The following NAB1 variants were observed in gnomAD, a reference collection of about 807,000 sequenced individuals.
The protein encoded by NAB1 is NGFI-A binding protein 1.
NAB1 carries 25 observed loss-of-function variants against 49.9 expected under a neutral mutation model. The observed-to-expected ratio is 0.50, with a 90% confidence interval of 0.37 to 0.70. The LOEUF (loss-of-function observed/expected upper bound fraction) is 0.70, where lower values mean the gene tolerates loss of function less well. Among genes scored for constraint, NAB1 ranks in the 30% least tolerant of loss-of-function variants. NAB1 has a pLI of 0.00. For missense variants in NAB1, 489 were observed against 575.9 expected (o/e 0.85, Z 1.54); for synonymous variants, 198 against 215.6 (o/e 0.92, Z 0.71).
chr2:190,671,180 G>C (rs1256328625), intron 5 of NAB1, among the ~76,000 whole-genome samples: 1 of 152,114 alleles, frequency 6.6e-6, no homozygotes, highest in Non-Finnish European at 1.5e-5. Flanking sequence ...CTGCATTAGA[G>C]TAACTCTAAG....
At chr2:190,681,749 T>C (rs200290237) in intron 6 of NAB1, among the ~76,000 whole-genome samples, 1 of 152,194 alleles carries the variant, frequency 6.6e-6, no homozygotes, top group Non-Finnish European at 1.5e-5. Flanking sequence ...ATAGATAAAA[T>C]ATTTGAAAGA....
rs1293881051 is a variant in NAB1 at position 190,685,077 on chromosome 2, G to A, written c.1096-399G>A. Reference sequence around the variant, plus strand: ...TCATATCAGAGTCTGTGTACTGCCAGATCCTAAAATAAAAATGCCAAGATT... The same window carrying A: ...TCATATCAGAGTCTGTGTACTGCCAAATCCTAAAATAAAAATGCCAAGATT... On this transcript the variant is annotated intron_variant, in intron 7 of 9. Coordinates refer to ENST00000337386, the MANE Select transcript of NAB1 (RefSeq NM_005966.4). This position sits in a 1 kb window ranked among gnomAD's most constrained non-coding sequence, Gnocchi z 4.5. Among the ~76,000 whole-genome samples the A allele has an allele frequency of 6.6e-6, 1 of 152,160 alleles. No homozygotes were observed. The highest frequency in any genetic ancestry group is 2.4e-5 in the African/African-American group (1 of 41,440).
rs1448626859 is a variant in NAB1 at position 190,659,615 on chromosome 2, G to T, written c.439G>T (p.Val147Phe). 10 of 1,614,096 alleles carry T rather than the reference G, an allele frequency of 6.2e-6. No homozygotes were observed. Among genetic ancestry groups the T allele is most frequent in the Non-Finnish European group, 7.6e-6 (9 of 1,180,054 alleles). ...CTTGGGACAGGGGAAGTCAGATGTG[G>T]TTGGGAGCCTAGCACTGCAGAGTGT... is the stretch of plus-strand genomic sequence containing the variant. ...QSLGQGKSDV[V>F]GSLALQSVGE... The change falls in exon 4 of 10, where the codon GTT becomes TTT. Residue 147 changes from valine (V) to phenylalanine (F), a missense_variant. Transcript: ENST00000337386. The surrounding 1 kb of genome is among the most constrained non-coding windows in gnomAD (Gnocchi z 6.2).
chr2:190,659,456 A>G lies in NAB1; in HGVS notation c.280A>G (p.Ile94Val), dbSNP rs1694103509. Residue 94 changes from isoleucine to valine, a missense_variant, in exon 4 of 10, where the codon ATA becomes GTA. Transcript: ENST00000337386. The surrounding 1 kb of genome is among the most constrained non-coding windows in gnomAD (Gnocchi z 6.2). ...ACTGACTTCCCTTCCTGTCAGTAGCATACCCATCTATAAATTACCAGAGGG... is the reference window on the plus strand; with the variant it reads ...ACTGACTTCCCTTCCTGTCAGTAGCGTACCCATCTATAAATTACCAGAGGG... ...QPLTSLPVSS[I>V]PIYKLPEGSP... is the part of the protein sequence containing the mutation. 1 of 1,614,212 alleles carries G rather than the reference A, an allele frequency of 6.2e-7. No homozygotes were observed. Among genetic ancestry groups the G allele is most frequent in the Non-Finnish European group, 8.5e-7 (1 of 1,180,042 alleles).
In NAB1 at chr2:190,675,932, T is replaced by G. The variant is rs1412305913; in HGVS notation, c.1005+2780T>G. Among the ~76,000 whole-genome samples the G allele has an allele frequency of 1.3e-5, 2 of 152,240 alleles. No homozygotes were observed. The highest frequency in any genetic ancestry group is 4.8e-5 in the African/African-American group (2 of 41,460). On this transcript the variant is annotated intron_variant, in intron 6 of 9. Coordinates refer to ENST00000337386, the MANE Select transcript of NAB1 (RefSeq NM_005966.4). This position sits in a 1 kb window ranked among gnomAD's most constrained non-coding sequence, Gnocchi z 5.2. Reference sequence around the variant, plus strand: ...CTTTGCAAAATATATAGTATTGGTATGAATCCTTGTCTGTGCTGTACTATA... The same window carrying G: ...CTTTGCAAAATATATAGTATTGGTAGGAATCCTTGTCTGTGCTGTACTATA...
chr2:190,689,288 C>T lies in NAB1; in HGVS notation c.1376-957C>T, dbSNP rs961975039. Among the ~76,000 whole-genome samples the T allele has an allele frequency of 1.4e-4, 21 of 152,094 alleles. No homozygotes were observed. The highest frequency in any genetic ancestry group is 4.6e-4 in the African/African-American group (19 of 41,404). ...TTGGTAAAAGAGAAGTAATTTCTAC[C>T]TCGTAGGGTAGTTAGGAGGATTAAA... On this transcript the variant is annotated intron_variant, in intron 9 of 9. Transcript: ENST00000337386. The surrounding 1 kb of genome is among the most constrained non-coding windows in gnomAD (Gnocchi z 4.3).
In NAB1 at chr2:190,660,783, A is replaced by G. The variant is rs1282040457; in HGVS notation, c.819+788A>G. On this transcript the variant is annotated intron_variant, in intron 4 of 9. Coordinates refer to ENST00000337386, the MANE Select transcript of NAB1 (RefSeq NM_005966.4). ...CACAATAACTTTAACTTCTTATTGTACTTATTTGTATACTGGTCTGTGCTT... is the reference window on the plus strand; with the variant it reads ...CACAATAACTTTAACTTCTTATTGTGCTTATTTGTATACTGGTCTGTGCTT... Among the ~76,000 whole-genome samples, 3 of 152,160 alleles carry G rather than the reference A, an allele frequency of 2.0e-5. No homozygotes were observed. In the East Asian group the frequency reaches 5.8e-4, roughly 29 times the overall value.
rs571887888 is a variant in NAB1 at position 190,677,453 on chromosome 2, C to T, written c.1005+4301C>T. ...GCTAGTTAGTAAGTGAGGTTGGAATCCTTCTGCTTAGACGGAATGAATAAC... is the reference window on the plus strand; with the variant it reads ...GCTAGTTAGTAAGTGAGGTTGGAATTCTTCTGCTTAGACGGAATGAATAAC... On this transcript the variant is annotated intron_variant, in intron 6 of 9. Coordinates refer to ENST00000337386, the MANE Select transcript of NAB1 (RefSeq NM_005966.4). This position sits in a 1 kb window ranked among gnomAD's most constrained non-coding sequence, Gnocchi z 5.6. 2.6e-5 allele frequency: 4 copies of T among 152,302 alleles called. No individual in the cohort carries two copies. Among genetic ancestry groups the T allele is most frequent in the Admixed American group, 2.6e-4 (4 of 15,304 alleles). 9.4% of individuals were successfully genotyped at this position (152,302 alleles called of 1,614,324 possible). A position where few individuals can be genotyped will look rare whatever the true frequency, so the allele number is the denominator to read the frequency against.
intron 4 of NAB1, among the ~76,000 whole-genome samples, chr2:190,668,364 A>G (rs916142271): frequency 3.9e-5 from 6 of 152,124 alleles, no homozygotes; most frequent in African/African-American, 1.4e-4. Flanking sequence ...TGATGTCCAG[A>G]GTGAAGGTAG....
At chr2:190,648,981 T>G (rs1574402622), upstream of NAB1, 1 of 97,376 alleles carries the variant, frequency 1.0e-5, no homozygotes, top group African/African-American at 3.8e-5. Flanking sequence ...GGTGGGGGAG[T>G]GGAGGCGGCG....
chr2:190,659,584 G>A lies in NAB1; in HGVS notation c.408G>A (p.Val136=). 1 of 1,614,268 alleles carries A rather than the reference G, an allele frequency of 6.2e-7. No individual in the cohort carries two copies. Among genetic ancestry groups the A allele is most frequent in the South Asian group, 1.1e-5 (1 of 91,086 alleles). The change falls in exon 4 of 10, where the codon GTG becomes GTA. Residue 136 remains valine (V), a synonymous_variant. Coordinates refer to ENST00000337386, the MANE Select transcript of NAB1 (RefSeq NM_005966.4). This position sits in a 1 kb window ranked among gnomAD's most constrained non-coding sequence, Gnocchi z 6.2. ...CCAAATGTGCTGCCACCACCTGTGT[G>A]CAGAGCTTGGGACAGGGGAAGTCAG... is the stretch of plus-strand genomic sequence containing the variant. ...KIPKCAATTC[V]QSLGQGKSDV... is the part of the protein sequence containing the mutation.
At position 190,670,492 on chromosome 2, in the gene NAB1, A is replaced by G; in HGVS notation, c.953+33A>G. On this transcript the variant is annotated intron_variant, in intron 5 of 9. Transcript: ENST00000337386. This position sits in a 1 kb window ranked among gnomAD's most constrained non-coding sequence, Gnocchi z 5.3. ...TTTAACTAATCGTCATTATTTTTGC[A>G]TTGCTTGAGAGAAGTAGAGTTCGAA... 6.2e-7 allele frequency: 1 copy of G among 1,608,300 alleles called. No homozygotes were observed. Among genetic ancestry groups the G allele is most frequent in the Non-Finnish European group, 8.5e-7 (1 of 1,176,320 alleles).
In NAB1 at chr2:190,657,974, C is replaced by G. The variant is rs1358493613; in HGVS notation, c.-19-1184C>G. ...ATCCTAAGGGTGCATTTGATTACAA[C>G]AAGTTTATTTGTTTCTCTTAAATGG... On this transcript the variant is annotated intron_variant, in intron 3 of 9. Transcript: ENST00000337386. The surrounding 1 kb of genome is among the most constrained non-coding windows in gnomAD (Gnocchi z 4.4). Among the ~76,000 whole-genome samples, 3 of 152,152 alleles carry G rather than the reference C, an allele frequency of 2.0e-5. No individual in the cohort carries two copies. Among genetic ancestry groups the G allele is most frequent in the Non-Finnish European group, 4.4e-5 (3 of 68,026 alleles).
Position 190,649,307 on chromosome 2 carries a change from G to C in NAB1, c.-387G>C, listed in dbSNP as rs1693519036. The C allele has an allele frequency of 6.6e-6, 1 of 152,224 alleles. No homozygotes were observed. The highest frequency in any genetic ancestry group is 2.4e-5 in the African/African-American group (1 of 41,434). The allele number at this position is 152,224 out of a possible 1,614,324, so 9.4% of individuals were successfully genotyped here. A position where few individuals can be genotyped will look rare whatever the true frequency, so the allele number is the denominator to read the frequency against. On this transcript the variant is annotated 5_prime_UTR_variant, in exon 1 of 10. Transcript: ENST00000337386. This position sits in a 1 kb window ranked among gnomAD's most constrained non-coding sequence, Gnocchi z 6.1. ...GCCGGGGGCCGTCGCTTCGGAGTTG[G>C]GGCTGAGCAGTCCTCGGGGAGAGCG...
At position 190,689,264 on chromosome 2, in the gene NAB1, T is replaced by TG. The variant is rs1376352876; in HGVS notation, c.1376-979dup. 6.6e-6 allele frequency among the ~76,000 whole-genome samples: 1 copy of TG among 152,156 alleles called. No homozygotes were observed. Among genetic ancestry groups the TG allele is most frequent in the Non-Finnish European group, 1.5e-5 (1 of 68,026 alleles). Reference sequence around the variant, plus strand: ...AGTACTCGTCCTTCAGTTGCTTCATTGGTAAAAGAGAAGTAATTTCTACCT... The same window carrying TG: ...AGTACTCGTCCTTCAGTTGCTTCATTGGGTAAAAGAGAAGTAATTTCTACCT... On this transcript the variant is annotated intron_variant, in intron 9 of 9. Coordinates refer to ENST00000337386, the MANE Select transcript of NAB1 (RefSeq NM_005966.4). The surrounding 1 kb of genome is among the most constrained non-coding windows in gnomAD (Gnocchi z 4.3).
In NAB1 at chr2:190,670,467, T is replaced by G. The variant is rs1273915203; in HGVS notation, c.953+8T>G. 1.2e-6 allele frequency: 2 copies of G among 1,612,560 alleles called. No homozygotes were observed. Among genetic ancestry groups the G allele is most frequent in the Non-Finnish European group, 1.7e-6 (2 of 1,179,422 alleles). On this transcript the variant is annotated splice_region_variant and intron_variant, in intron 5 of 9. Transcript: ENST00000337386. The surrounding 1 kb of genome is among the most constrained non-coding windows in gnomAD (Gnocchi z 5.3). ...TACTTACAGAACCACCAAGTAAGTA[T>G]TTAACTAATCGTCATTATTTTTGCA...
chr2:190,690,190 T>A, intron 9 of NAB1, 55 bp from the exon 10 acceptor site: 1 of 1,236,360 alleles, frequency 8.1e-7, no homozygotes, highest in Non-Finnish European at 1.2e-6. Context: ...CTTTGTTTGA[T>A]TTTTGTAGTC....
Position 190,659,751 on chromosome 2 carries a change from A to T in NAB1, c.575A>T (p.Asp192Val). ...ASPKESSEAL[D>V]AAAALSVAEC... Reference sequence around the variant, plus strand: ...CCAAAGGAGAGCAGTGAGGCGCTGGATGCTGCTGCTGCGCTCTCTGTGGCT... The same window carrying T: ...CCAAAGGAGAGCAGTGAGGCGCTGGTTGCTGCTGCTGCGCTCTCTGTGGCT... The change falls in exon 4 of 10, where the codon GAT becomes GTT. Residue 192 changes from aspartate to valine, a missense_variant. Physicochemically the swap from Asp to Val is radical, Grantham distance 152 (BLOSUM62 -3). This residue lies in a region of NAB1 where 204 missense variants were observed against 220.9 expected (regional missense o/e 0.92). Transcript: ENST00000337386. This position sits in a 1 kb window ranked among gnomAD's most constrained non-coding sequence, Gnocchi z 6.2. 6.2e-7 allele frequency: 1 copy of T among 1,614,112 alleles called. No individual in the cohort carries two copies. Among genetic ancestry groups the T allele is most frequent in the Non-Finnish European group, 8.5e-7 (1 of 1,179,966 alleles).
intron 6 of NAB1, among the ~76,000 whole-genome samples, chr2:190,673,669 T>C (rs1416416387): frequency 6.6e-6 from 1 of 152,240 alleles, no homozygotes; most frequent in African/African-American, 2.4e-5. Flanking sequence ...AACTTTTCGT[T>C]TCTTTATATT....
Sources: allele counts gnomAD v4.1 joint callset (sites outside exome capture counted in the v4.1 genomes callset), GRCh38; gene constraint gnomAD v4.1.1; regional missense constraint gnomAD v4.1.1; non-coding constraint Gnocchi (gnomAD v3.1); transcripts MANE v1.5; gene names NCBI Gene and HGNC (gene_info 2026-07-23, HGNC 2026-07-21).